The following CREM variants were observed in gnomAD, a reference collection of about 807,000 sequenced individuals.
The protein encoded by CREM is cAMP-responsive element modulator.
Under a neutral mutation model 37.3 loss-of-function variants are expected in CREM, and 13 were observed. The ratio of observed to expected loss-of-function variants is 0.35; its 90% CI spans 0.23 to 0.55. The LOEUF (loss-of-function observed/expected upper bound fraction) is 0.55, where lower values mean the gene tolerates loss of function less well. CREM is among the 20% of genes least tolerant of loss of function. The pLI is 0.88. For missense variants in CREM, 296 were observed against 362.3 expected, an observed-to-expected ratio of 0.82 and a Z score of 1.49; for synonymous variants, 124 against 120.2, an observed-to-expected ratio of 1.03 and a Z score of -0.21.
chr10:35,156,186 A>C (rs1589580624), intron 3 of CREM, among the ~76,000 whole-genome samples: 1 of 145,368 alleles, frequency 6.9e-6, no homozygotes. Context: ...TGATCCATCC[A>C]CCTCAGCCTC....
chr10:35,200,122 A>G (rs2095340404), intron 6 of CREM, among the ~76,000 whole-genome samples: 1 of 152,074 alleles, frequency 6.6e-6, no homozygotes, highest in African/African-American at 2.4e-5. Context: ...TCCTGACCTC[A>G]AGCGATCCAC....
intron 5 of CREM, among the ~76,000 whole-genome samples, chr10:35,186,235 TTATGTTAAAA>T (rs926234875): frequency 1.3e-5 from 2 of 152,188 alleles, no homozygotes; most frequent in African/African-American, 4.8e-5. Flanking sequence ...GTTGGAATCT[TTATGTTAAAA>T]TATACAGACC....
At chr10:35,132,665 A>C (rs2089648942) in intron 1 of CREM, among the ~76,000 whole-genome samples, 1 of 152,224 alleles carries the variant, frequency 6.6e-6, no homozygotes, top group Non-Finnish European at 1.5e-5. Flanking sequence ...ACTTTGCTTC[A>C]TAAAGAGTAT....
At chr10:35,144,740 T>C (rs2091866503) in intron 2 of CREM, among the ~76,000 whole-genome samples, 1 of 149,126 alleles carries the variant, frequency 6.7e-6, no homozygotes, top group Non-Finnish European at 1.5e-5. Flanking sequence ...CATTAAAACT[T>C]TTTTTTTTTT....
intron 2 of CREM, among the ~76,000 whole-genome samples, chr10:35,143,814 C>T (rs1011046543): frequency 1.3e-5 from 2 of 152,092 alleles, no homozygotes; most frequent in African/African-American, 4.8e-5. Flanking sequence ...GATGGCCAGT[C>T]AACATGCTGA....
intron 1 of CREM, among the ~76,000 whole-genome samples, chr10:35,135,976 G>T (rs1281544793): frequency 6.6e-6 from 1 of 152,110 alleles, no homozygotes; most frequent in Non-Finnish European, 1.5e-5. Context: ...AATGAAGTAA[G>T]TCTCTGATCA....
At chr10:35,141,310 G>T (rs2091394335) in intron 2 of CREM, among the ~76,000 whole-genome samples, 1 of 152,216 alleles carries the variant, frequency 6.6e-6, no homozygotes, top group Non-Finnish European at 1.5e-5. Flanking sequence ...CTACTGAAGA[G>T]TTTTAAGCAA....
At chr10:35,155,550 T>G (rs2092842643) in intron 3 of CREM, among the ~76,000 whole-genome samples, 1 of 152,196 alleles carries the variant, frequency 6.6e-6, no homozygotes. Context: ...GGCTAGACAT[T>G]GAAATTTGAA....
intron 1 of CREM, among the ~76,000 whole-genome samples, chr10:35,130,349 T>C (rs188552078): frequency 6.6e-6 from 1 of 152,322 alleles, no homozygotes; most frequent in East Asian, 1.9e-4. Context: ...CAATAAAGAC[T>C]GTGCTGTTCT....
At chr10:35,195,022 G>T (rs1029448133) in intron 6 of CREM, 7 of 567,126 alleles carry the variant, frequency 1.2e-5, no homozygotes, top group Non-Finnish European at 2.2e-5. Context: ...TAGGGCTTGG[G>T]TTTCAGTGAG....
chr10:35,140,445 GT>G (rs1362049800), intron 2 of CREM, among the ~76,000 whole-genome samples: 1 of 152,030 alleles, frequency 6.6e-6, no homozygotes, highest in African/African-American at 2.4e-5. Context: ...CCCTGTAAAA[GT>G]CCCTTAATCT....
At chr10:35,190,634 A>G (rs2094869825) in intron 6 of CREM, among the ~76,000 whole-genome samples, 1 of 152,120 alleles carries the variant, frequency 6.6e-6, no homozygotes, top group Non-Finnish European at 1.5e-5. Context: ...AGTAGTAATA[A>G]TAATAATAAT....
intron 2 of CREM, among the ~76,000 whole-genome samples, chr10:35,142,203 G>A (rs188114083): frequency 9.0e-4 from 137 of 152,280 alleles, no homozygotes; most frequent in African/African-American, 3.0e-3. Flanking sequence ...TGGATTTGTG[G>A]CTATGTGTAT....
intron 3 of CREM, among the ~76,000 whole-genome samples, chr10:35,163,484 G>T (rs1052704117): frequency 2.6e-5 from 4 of 152,092 alleles, no homozygotes; most frequent in African/African-American, 9.7e-5. Flanking sequence ...AGGAGTTCGA[G>T]ACCAGCCTGT....
At chr10:35,191,566 G>T (rs2094920003) in intron 6 of CREM, among the ~76,000 whole-genome samples, 1 of 152,082 alleles carries the variant, frequency 6.6e-6, no homozygotes, top group Non-Finnish European at 1.5e-5. Flanking sequence ...TCTCACTGAA[G>T]GGCCCTGTCA....
In CREM at chr10:35,148,386, A is replaced by G; in HGVS notation, c.63A>G (p.Thr21=). 1 of 1,612,548 alleles carries G rather than the reference A, an allele frequency of 6.2e-7. No individual in the cohort carries two copies. The highest frequency in any genetic ancestry group is 2.2e-5 in the East Asian group (1 of 44,758). The part of the protein sequence containing the change: ...KTNPRQMTME[T]VESQHDGSIT... ...TTTTCAGACAAATGACCATGGAAAC[A>G]GTTGAATCCCAGCATGATGGAAGTA... is the stretch of plus-strand genomic sequence containing the variant. Residue 21 remains threonine, a synonymous_variant, in exon 3 of 8, where the codon ACA becomes ACG. Transcript: ENST00000685392.
intron 6 of CREM, among the ~76,000 whole-genome samples, chr10:35,199,790 C>T (rs1435849526): frequency 6.6e-6 from 1 of 151,390 alleles, no homozygotes; most frequent in African/African-American, 2.4e-5. Flanking sequence ...GACATTGACA[C>T]ATGAATGCAG....
At chr10:35,178,109 T>G (rs2094176918) in intron 3 of CREM, among the ~76,000 whole-genome samples, 1 of 152,222 alleles carries the variant, frequency 6.6e-6, no homozygotes, top group African/African-American at 2.4e-5. Flanking sequence ...GTGAGTTTTG[T>G]AAACTCTGCT....
chr10:35,174,974 C>T (rs2093983406), intron 3 of CREM, among the ~76,000 whole-genome samples: 1 of 152,192 alleles, frequency 6.6e-6, no homozygotes, highest in Non-Finnish European at 1.5e-5. Context: ...GCCTTCAAGG[C>T]ATGAGCTTTC....
Sources: allele counts gnomAD v4.1 joint callset (sites outside exome capture counted in the v4.1 genomes callset), GRCh38; gene constraint gnomAD v4.1.1; transcripts MANE v1.5; gene names NCBI Gene and HGNC (gene_info 2026-07-23, HGNC 2026-07-21).